NRG1: variants seen among roughly 807,000 people sequenced by gnomAD.
The protein encoded by NRG1 is pro-neuregulin-1, membrane-bound isoform.
In NRG1, 18 loss-of-function variants were observed where a neutral mutation model predicts 63.8. The ratio of observed to expected loss-of-function variants is 0.28; its 90% confidence interval spans 0.19 to 0.42. NRG1 has a LOEUF of 0.42. Among genes scored for constraint, NRG1 ranks in the 10% least tolerant of loss-of-function variants. The pLI, the probability that NRG1 is intolerant of heterozygous loss-of-function variation, is 1.00. For missense variants in NRG1, 762 were observed against 814.7 expected, an observed-to-expected ratio of 0.94 and a Z score of 0.79; for synonymous variants, 302 against 301.3, an observed-to-expected ratio of 1.00 and a Z score of -0.02.
At chr8:32,073,081 A>T (rs1046207306) in intron 1 of NRG1, among the ~76,000 whole-genome samples, 2 of 152,154 alleles carry the variant, frequency 1.3e-5, no homozygotes, top group Non-Finnish European at 2.9e-5. Flanking sequence ...AATTGATACT[A>T]TGAAAGTTCT....
At chr8:31,813,581 G>A (rs1195965066) in intron 1 of NRG1, among the ~76,000 whole-genome samples, 1 of 144,396 alleles carries the variant, frequency 6.9e-6, no homozygotes, top group Non-Finnish European at 1.5e-5. Context: ...GAGAGCAGTG[G>A]CACAATCATG....
At chr8:32,025,580 A>G (rs1438515977) in intron 1 of NRG1, among the ~76,000 whole-genome samples, 1 of 152,234 alleles carries the variant, frequency 6.6e-6, no homozygotes, top group Admixed American at 6.5e-5. Flanking sequence ...TAAAAGATCC[A>G]AAGTTAACTT....
chr8:31,925,160 G>GTATA (rs1834242752), intron 1 of NRG1, among the ~76,000 whole-genome samples: 3 of 3,602 alleles, frequency 8.3e-4, no homozygotes, highest in African/African-American at 0.014. Flanking sequence ...ACATATATAT[G>GTATA]TATACATATA....
chr8:32,308,791 T>C (rs1856507005), intron 1 of NRG1, among the ~76,000 whole-genome samples: 1 of 152,224 alleles, frequency 6.6e-6, no homozygotes, highest in Admixed American at 6.5e-5. Flanking sequence ...AAATTGGTGC[T>C]ACAATGTCAC....
chr8:31,946,402 C>A (rs1016756450), intron 1 of NRG1, among the ~76,000 whole-genome samples: 1 of 152,146 alleles, frequency 6.6e-6, no homozygotes, highest in Non-Finnish European at 1.5e-5. Flanking sequence ...GAAGATCATG[C>A]ATGGGGATTT....
At chr8:31,838,881 T>C (rs1471686007) in intron 1 of NRG1, among the ~76,000 whole-genome samples, 3 of 152,220 alleles carry the variant, frequency 2.0e-5, no homozygotes, top group Non-Finnish European at 2.9e-5. Flanking sequence ...TGTATGCCTT[T>C]ACTTTCTTTC....
intron 5 of NRG1, among the ~76,000 whole-genome samples, chr8:32,624,187 T>C (rs1563792683): frequency 6.6e-6 from 1 of 152,220 alleles, no homozygotes; most frequent in African/African-American, 2.4e-5. Context: ...GTCTACTCCT[T>C]ATCTAAACAG....
At chr8:32,071,927 G>A (rs747624271) in intron 1 of NRG1, among the ~76,000 whole-genome samples, 7 of 152,140 alleles carry the variant, frequency 4.6e-5, no homozygotes, top group Non-Finnish European at 8.8e-5. Flanking sequence ...AAAAACACAA[G>A]GCAGTTAGTA....
At chr8:32,225,141 A>G (rs1376449240) in intron 1 of NRG1, among the ~76,000 whole-genome samples, 1 of 152,196 alleles carries the variant, frequency 6.6e-6, no homozygotes, top group Non-Finnish European at 1.5e-5. Flanking sequence ...AATGACATCA[A>G]CCACGAAGTC....
downstream of NRG1, among the ~76,000 whole-genome samples, chr8:32,771,801 TC>T (rs1257186430): frequency 2.1e-5 from 3 of 143,698 alleles, no homozygotes; most frequent in East Asian, 2.0e-4. Context: ...GGCAGGCAAA[TC>T]ACCTGAGGTC....
At chr8:32,281,563 C>A (rs1053331798) in intron 1 of NRG1, among the ~76,000 whole-genome samples, 5 of 152,102 alleles carry the variant, frequency 3.3e-5, no homozygotes, top group Admixed American at 6.6e-5. Flanking sequence ...TTCTTTGTCC[C>A]CATGTGTACT....
intron 1 of NRG1, among the ~76,000 whole-genome samples, chr8:32,415,779 C>T (rs914309360): frequency 7.9e-5 from 12 of 152,124 alleles, no homozygotes; most frequent in Non-Finnish European, 1.6e-4. Context: ...TCAATTCATT[C>T]CCTACATCAC....
intron 1 of NRG1, among the ~76,000 whole-genome samples, chr8:31,956,046 A>AAAAAAAAC (rs1158347409): frequency 1.3e-5 from 2 of 150,116 alleles, no homozygotes; most frequent in Non-Finnish European, 3.0e-5. Flanking sequence ...GTCTCAAAAA[A>AAAAAAAAC]AAAAAAACAA....
chr8:31,773,279 T>C (rs779008846), intron 1 of NRG1, among the ~76,000 whole-genome samples: 2 of 152,184 alleles, frequency 1.3e-5, no homozygotes, highest in Non-Finnish European at 2.9e-5. Context: ...TGCACTGTCA[T>C]TTGGGTGATA....
rs1184724164 is a variant in NRG1 at position 32,510,373 on chromosome 8, A to C, written c.38-85455A>C. ...GGAGACCCTGTTTCAAAAAAATAAAAAATAAAAAAAGGAGGAAAGGAAGAA... is the reference window on the plus strand; with the variant it reads ...GGAGACCCTGTTTCAAAAAAATAAACAATAAAAAAAGGAGGAAAGGAAGAA... On this transcript the variant is annotated intron_variant, in intron 1 of 10. Coordinates refer to the NRG1 transcript ENST00000519301. 6.6e-5 allele frequency among the ~76,000 whole-genome samples: 10 copies of C among 152,066 alleles called. No homozygotes were observed. The East Asian group carries it at 1.9e-3, about 30-fold the overall frequency.
downstream of NRG1, among the ~76,000 whole-genome samples, chr8:32,770,349 G>T (rs551155256): frequency 1.3e-4 from 20 of 152,228 alleles, no homozygotes; most frequent in South Asian, 4.2e-3. Context: ...ATCTTTCTTG[G>T]AGTTACACAT....
intron 1 of NRG1, among the ~76,000 whole-genome samples, chr8:32,015,931 A>G (rs927189538): frequency 6.6e-6 from 1 of 152,056 alleles, no homozygotes; most frequent in East Asian, 1.9e-4. Flanking sequence ...TTCAAATACA[A>G]TATAAGAATT....
At chr8:31,876,777 T>C (rs1829958936) in intron 1 of NRG1, among the ~76,000 whole-genome samples, 1 of 152,150 alleles carries the variant, frequency 6.6e-6, no homozygotes, top group African/African-American at 2.4e-5. Flanking sequence ...GGGTACCACA[T>C]TGATGATGCT....
chr8:31,966,896 G>C (rs1477118996), intron 1 of NRG1, among the ~76,000 whole-genome samples: 12 of 152,086 alleles, frequency 7.9e-5, no homozygotes, highest in Admixed American at 7.9e-4. Flanking sequence ...GTCAACTTCG[G>C]TTCTGCCCTA....
Sources: gnomAD v4.1 joint callset for allele counts (sites outside exome capture counted in the v4.1 genomes callset) on GRCh38, gnomAD v4.1.1 for gene constraint, MANE v1.5 for transcripts, NCBI Gene and HGNC (gene_info 2026-07-23, HGNC 2026-07-21) for gene names.